The following AGMO variants were observed in gnomAD, a reference collection of about 807,000 sequenced individuals.
The protein encoded by AGMO is glyceryl-ether monooxygenase.
AGMO carries 75 observed loss-of-function variants against 60.2 expected under a neutral mutation model. That is an observed-to-expected ratio of 1.25 (90% CI 1.03 to 1.51). AGMO has a LOEUF of 1.51. Ranked by LOEUF, AGMO falls within the 40% of genes most tolerant of loss-of-function variation. AGMO has a pLI of 0.00. For synonymous variants in AGMO, 261 were observed against 177.1 expected, an observed-to-expected ratio of 1.47 and a Z score of -3.76; for missense variants, 763 against 525.5, an observed-to-expected ratio of 1.45 and a Z score of -4.42.
chr7:15,237,882 T>G (rs1036993073), intron 12 of AGMO, among the ~76,000 whole-genome samples: 20 of 152,102 alleles, frequency 1.3e-4, no homozygotes, highest in African/African-American at 4.6e-4. Context: ...TCTTTCAACT[T>G]CTTGACAATT....
intron 3 of AGMO, among the ~76,000 whole-genome samples, chr7:15,509,520 T>C (rs1783616845): frequency 6.6e-6 from 1 of 152,092 alleles, no homozygotes; most frequent in Non-Finnish European, 1.5e-5. Flanking sequence ...AACATTGACC[T>C]TGGAAATTTT....
chr7:15,285,947 G>T (rs1784086077), intron 12 of AGMO, among the ~76,000 whole-genome samples: 1 of 151,834 alleles, frequency 6.6e-6, no homozygotes, highest in African/African-American at 2.4e-5. Flanking sequence ...TGAGGCTTGA[G>T]AAAGCATTCA....
chr7:15,306,315 C>G (rs1309220288), intron 12 of AGMO: 1 of 223,978 alleles, frequency 4.5e-6, no homozygotes, highest in Non-Finnish European at 9.4e-6. Flanking sequence ...GAAAGGAAGT[C>G]AGATTTTAGT....
intron 3 of AGMO, among the ~76,000 whole-genome samples, chr7:15,496,615 T>C (rs938704591): frequency 2.0e-5 from 3 of 152,130 alleles, no homozygotes; most frequent in African/African-American, 7.2e-5. Flanking sequence ...AATGAACAGA[T>C]ATGAAATAAC....
intron 12 of AGMO, among the ~76,000 whole-genome samples, chr7:15,232,284 T>C (rs1438187210): frequency 2.0e-5 from 3 of 152,182 alleles, no homozygotes; most frequent in Non-Finnish European, 4.4e-5. Context: ...GTGCCACAAG[T>C]ATCCACAATA....
intron 12 of AGMO, among the ~76,000 whole-genome samples, chr7:15,288,257 C>T (rs868323247): frequency 6.6e-6 from 1 of 151,978 alleles, no homozygotes; most frequent in Non-Finnish European, 1.5e-5. Context: ...TGGTCTTGAT[C>T]TCCTGACCTC....
At chr7:15,468,328 T>A (rs926231092) in intron 3 of AGMO, among the ~76,000 whole-genome samples, 1 of 152,080 alleles carries the variant, frequency 6.6e-6, no homozygotes, top group Non-Finnish European at 1.5e-5. Context: ...TACCAAGAAA[T>A]TTTTTCTATA....
chr7:15,292,650 A>G (rs2128522669), intron 12 of AGMO, among the ~76,000 whole-genome samples: 1 of 152,178 alleles, frequency 6.6e-6, no homozygotes, highest in East Asian at 1.9e-4. Flanking sequence ...CTACGGACAA[A>G]ATAAAAAGAA....
the AGMO span, among the ~76,000 whole-genome samples, chr7:15,123,657 G>C: frequency 6.6e-6 from 1 of 151,752 alleles, no homozygotes; most frequent in Non-Finnish European, 1.5e-5. Flanking sequence ...CTCTCTCCTA[G>C]TTAGAAACAT....
chr7:15,182,141 A>G, the AGMO span, among the ~76,000 whole-genome samples: 1 of 152,222 alleles, frequency 6.6e-6, no homozygotes, highest in East Asian at 1.9e-4. Context: ...TATGAGGTGC[A>G]TAGAGTCATC....
At chr7:15,150,727 T>C in the AGMO span, among the ~76,000 whole-genome samples, 1 of 152,050 alleles carries the variant, frequency 6.6e-6, no homozygotes, top group Admixed American at 6.6e-5. Context: ...AGGATTTTTG[T>C]GCCTATGTTC....
downstream of AGMO, among the ~76,000 whole-genome samples, chr7:15,198,228 A>G (rs1486400333): frequency 8.8e-5 from 10 of 113,670 alleles, no homozygotes; most frequent in Non-Finnish European, 1.4e-4. Context: ...AGAGAGAGAG[A>G]GAGAGAGAGA....
chr7:15,204,833 C>T (rs981285969), intron 12 of AGMO, among the ~76,000 whole-genome samples: 2 of 152,122 alleles, frequency 1.3e-5, no homozygotes, highest in African/African-American at 4.8e-5. Context: ...TATTCTGCTG[C>T]TCCTCTCAGT....
At chr7:15,208,594 G>A (rs533891521) in intron 12 of AGMO, among the ~76,000 whole-genome samples, 1 of 152,264 alleles carries the variant, frequency 6.6e-6, no homozygotes, top group South Asian at 2.1e-4. Context: ...GATTTTTTAT[G>A]CATTAAAATT....
intron 5 of AGMO, among the ~76,000 whole-genome samples, chr7:15,394,468 G>T (rs1225145179): frequency 6.6e-6 from 1 of 152,142 alleles, no homozygotes; most frequent in Non-Finnish European, 1.5e-5. Flanking sequence ...TGATCCTGGG[G>T]AAACGACTAG....
rs146144087 is a variant in AGMO at position 15,499,932 on chromosome 7, C to CACACACATATAT, written c.409+44839_409+44840insATATATGTGTGT. 4.3e-5 allele frequency among the ~76,000 whole-genome samples: 6 copies of CACACACATATAT among 139,002 alleles called. No individual in the cohort carries two copies. In the East Asian group the frequency reaches 6.6e-4, roughly 15 times the overall value. The allele number at this position is 139,002 out of a possible 152,430, so 91.2% of individuals were successfully genotyped here. ...GCACACACACACACACACACACACA[C>CACACACATATAT]ATATATATATATAATATATATATTT... is the stretch of plus-strand genomic sequence containing the variant. On this transcript the variant is annotated intron_variant, in intron 3 of 12. Coordinates refer to ENST00000342526, the MANE Select transcript of AGMO (RefSeq NM_001004320.2).
rs1368934294 is a variant in AGMO at position 15,380,248 on chromosome 7, C to T, written c.1074+5198G>A. 3.9e-5 allele frequency among the ~76,000 whole-genome samples: 6 copies of T among 152,164 alleles called. No individual in the cohort carries two copies. The East Asian group carries it at 1.2e-3, about 29-fold the overall frequency. ...CCCTATTTGCAGACGACATGATCCTCTACCTAGAAAACCCCATGGTGTCAA... is the reference window on the plus strand; with the variant it reads ...CCCTATTTGCAGACGACATGATCCTTTACCTAGAAAACCCCATGGTGTCAA... On this transcript the variant is annotated intron_variant, in intron 10 of 12. Transcript: ENST00000342526.
At chr7:15,554,171 A>G (rs756236283) in intron 2 of AGMO, among the ~76,000 whole-genome samples, 1 of 152,084 alleles carries the variant, frequency 6.6e-6, no homozygotes, top group Non-Finnish European at 1.5e-5. Flanking sequence ...ACCTTGAATC[A>G]TAAACCAAAG....
chr7:15,499,314 G>T (rs112252250), intron 3 of AGMO, among the ~76,000 whole-genome samples: 17 of 152,006 alleles, frequency 1.1e-4, no homozygotes, highest in African/African-American at 4.1e-4. Flanking sequence ...CCTTTTGTGT[G>T]CCTGAGTAGA....
Sources: allele counts gnomAD v4.1 joint callset (sites outside exome capture counted in the v4.1 genomes callset), GRCh38; gene constraint gnomAD v4.1.1; transcripts MANE v1.5; gene names NCBI Gene and HGNC (gene_info 2026-07-23, HGNC 2026-07-21).